The following TAFA4 variants were observed in gnomAD, a reference collection of about 807,000 sequenced individuals.
TAFA4 encodes chemokine-like protein TAFA-4.
A neutral mutation model predicts 21.1 loss-of-function variants in TAFA4; 20 were observed. The ratio of observed to expected loss-of-function variants is 0.95; its 90% CI spans 0.67 to 1.38. TAFA4 has a LOEUF of 1.38. Ranked by LOEUF, TAFA4 falls within the 40% of genes most tolerant of loss-of-function variation. The pLI is 0.00. For missense variants in TAFA4, 211 were observed against 180.9 expected (o/e 1.17, Z -0.95); for synonymous variants, 71 against 67.4 (o/e 1.05, Z -0.26).
intron 1 of TAFA4, among the ~76,000 whole-genome samples, chr3:68,904,109 C>T (rs2089873211): frequency 1.3e-5 from 2 of 151,868 alleles, no homozygotes; most frequent in Admixed American, 6.6e-5. Flanking sequence ...AAAGCTCCAT[C>T]GTTTCAAGTG....
intron 1 of TAFA4, among the ~76,000 whole-genome samples, chr3:68,912,661 C>A (rs950701624): frequency 6.6e-6 from 1 of 152,176 alleles, no homozygotes; most frequent in Non-Finnish European, 1.5e-5. Context: ...CCGGGAGGAC[C>A]AAGGTGCTGC....
intron 3 of TAFA4, among the ~76,000 whole-genome samples, chr3:68,817,206 G>T (rs1204955588): frequency 1.3e-5 from 2 of 152,152 alleles, no homozygotes; most frequent in African/African-American, 4.8e-5. Flanking sequence ...AATGTTCACA[G>T]AATCTTCACA....
At chr3:68,873,782 A>G (rs2089516110) in intron 3 of TAFA4, among the ~76,000 whole-genome samples, 2 of 152,184 alleles carry the variant, frequency 1.3e-5, no homozygotes, top group African/African-American at 4.8e-5. Flanking sequence ...AGAGCAAAGG[A>G]GACTTTTCCA....
chr3:68,867,675 A>G (rs2089435860), intron 3 of TAFA4, among the ~76,000 whole-genome samples: 1 of 152,104 alleles, frequency 6.6e-6, no homozygotes, highest in Non-Finnish European at 1.5e-5. Context: ...AGACAACGAA[A>G]AGTCAAAATG....
chr3:68,809,724 T>C (rs937549805), intron 3 of TAFA4, among the ~76,000 whole-genome samples: 3 of 152,178 alleles, frequency 2.0e-5, no homozygotes, highest in African/African-American at 7.2e-5. Context: ...TTTGAGTTGA[T>C]TTTTGTACAT....
intron 4 of TAFA4, among the ~76,000 whole-genome samples, chr3:68,748,184 G>T (rs1702493870): frequency 6.6e-6 from 1 of 152,208 alleles, no homozygotes; most frequent in Non-Finnish European, 1.5e-5. Context: ...GGGCAGGTCA[G>T]GCACAAAGGT....
intron 3 of TAFA4, among the ~76,000 whole-genome samples, chr3:68,825,827 C>G (rs1258548231): frequency 6.6e-6 from 1 of 152,176 alleles, no homozygotes; most frequent in East Asian, 1.9e-4. Context: ...AAAAAGGTGT[C>G]TATCCCTCCT....
chr3:68,746,806 T>C (rs1217021323), intron 4 of TAFA4, among the ~76,000 whole-genome samples: 2 of 152,190 alleles, frequency 1.3e-5, no homozygotes, highest in Non-Finnish European at 2.9e-5. Flanking sequence ...CTCTACTAAA[T>C]GCAGACCCAC....
rs190204506 is a variant in TAFA4 at position 68,749,403 on chromosome 3, T to C, written c.286+3460A>G. Among the ~76,000 whole-genome samples the C allele has an allele frequency of 2.7e-4, 41 of 152,362 alleles. 1 individual carries two copies. In the South Asian group the frequency reaches 7.5e-3, roughly 28 times the overall value. On this transcript the variant is annotated intron_variant, in intron 4 of 5. Coordinates refer to ENST00000295569, the MANE Select transcript of TAFA4 (RefSeq NM_182522.5). ...AATGTAAATTCAGGTAAATTTTATA[T>C]TTTAGATCCTTTCTATTCTTATTGA...
At chr3:68,915,027 T>C (rs975827807) in intron 1 of TAFA4, among the ~76,000 whole-genome samples, 5 of 152,186 alleles carry the variant, frequency 3.3e-5, no homozygotes, top group African/African-American at 1.2e-4. Flanking sequence ...GGCCACAAAG[T>C]ATAAATATTT....
intron 3 of TAFA4, among the ~76,000 whole-genome samples, chr3:68,870,523 G>C (rs560307600): frequency 1.3e-5 from 2 of 152,190 alleles, no homozygotes; most frequent in Admixed American, 1.3e-4. Flanking sequence ...CAGTGGAACA[G>C]AATACAGAAC....
intron 1 of TAFA4, among the ~76,000 whole-genome samples, chr3:68,901,317 A>C (rs2089842091): frequency 1.4e-5 from 2 of 141,030 alleles, no homozygotes; most frequent in African/African-American, 5.3e-5. Flanking sequence ...TATTTCACTT[A>C]AAAAAAAAAA....
chr3:68,915,150 C>T lies in TAFA4; in HGVS notation c.-123+17090G>A, dbSNP rs1369665017. Reference sequence around the variant, plus strand: ...AGTCACCTCCCTGTTCTAATTCTTTCGTACTAAGAGGCTATTCTCAAATAC... The same window carrying T: ...AGTCACCTCCCTGTTCTAATTCTTTTGTACTAAGAGGCTATTCTCAAATAC... On this transcript the variant is annotated intron_variant, in intron 1 of 5. Coordinates refer to ENST00000295569, the MANE Select transcript of TAFA4 (RefSeq NM_182522.5). Among the ~76,000 whole-genome samples, 5 of 152,142 alleles carry T rather than the reference C, an allele frequency of 3.3e-5. No individual in the cohort carries two copies. In the South Asian group the frequency reaches 8.3e-4, roughly 25 times the overall value.
intron 3 of TAFA4, among the ~76,000 whole-genome samples, chr3:68,817,833 C>T (rs578028520): frequency 6.6e-6 from 1 of 152,094 alleles, no homozygotes; most frequent in Non-Finnish European, 1.5e-5. Context: ...AAGATATGTG[C>T]TGTCATCCTG....
Position 68,818,010 on chromosome 3 carries a change from A to G in TAFA4, c.130+62720T>C, listed in dbSNP as rs1326560584. ...GCCTAGCAGTGACTACTTTCTAGCT[A>G]GGAAAGTCCTAGATGGCATTTTCTT... On this transcript the variant is annotated intron_variant, in intron 3 of 5. Coordinates refer to ENST00000295569, the MANE Select transcript of TAFA4 (RefSeq NM_182522.5). 2.0e-5 allele frequency among the ~76,000 whole-genome samples: 3 copies of G among 152,188 alleles called. No homozygotes were observed. The East Asian group carries it at 5.8e-4, about 29-fold the overall frequency.
chr3:68,844,440 C>A (rs911506666), intron 3 of TAFA4, among the ~76,000 whole-genome samples: 1 of 150,060 alleles, frequency 6.7e-6, no homozygotes, highest in South Asian at 2.1e-4. Context: ...AGTAGTCTAT[C>A]TATTTTGTTA....
chr3:68,853,191 T>A (rs920820165), intron 3 of TAFA4, among the ~76,000 whole-genome samples: 3 of 152,126 alleles, frequency 2.0e-5, no homozygotes, highest in African/African-American at 7.2e-5. Context: ...TATATCTTTA[T>A]TAGCTTTAAT....
intron 1 of TAFA4, among the ~76,000 whole-genome samples, chr3:68,928,718 A>G (rs1387313131): frequency 1.3e-5 from 2 of 152,164 alleles, no homozygotes; most frequent in African/African-American, 2.4e-5. Flanking sequence ...CAAGAAGCCA[A>G]TGTGGCCCTC....
chr3:68,889,539 T>C (rs2089710318), intron 1 of TAFA4, among the ~76,000 whole-genome samples: 1 of 152,208 alleles, frequency 6.6e-6, no homozygotes, highest in South Asian at 2.1e-4. Flanking sequence ...ACCTTCAGAA[T>C]ACCTCTTCGG....
Sources: allele counts gnomAD v4.1 joint callset (sites outside exome capture counted in the v4.1 genomes callset), GRCh38; gene constraint gnomAD v4.1.1; transcripts MANE v1.5; gene names NCBI Gene and HGNC (gene_info 2026-07-23, HGNC 2026-07-21).